Variants in ZNF264 observed in about 807,000 individuals in gnomAD.
ZNF264 encodes the protein zinc finger protein 264.
A neutral mutation model predicts 11.2 loss-of-function variants in ZNF264; 11 were observed. The ratio of observed to expected loss-of-function variants is 0.98; its 90% CI spans 0.62 to 1.63. The LOEUF is 1.63. Among genes scored for constraint, ZNF264 ranks in the 40% most tolerant of loss-of-function variants. The pLI is 0.00. For missense variants in ZNF264, 752 were observed against 768.1 expected (o/e 0.98, Z 0.25); for synonymous variants, 309 against 279.8 (o/e 1.10, Z -1.04).
At chr19:57,210,430 C>CA (rs753105089) in intron 3 of ZNF264, among the ~76,000 whole-genome samples, 6 of 152,170 alleles carry the variant, frequency 3.9e-5, no homozygotes, top group South Asian at 2.1e-4. Flanking sequence ...TAGTTACAGT[C>CA]ATGTTTATTA....
rs150510005 is a variant in ZNF264, at chr19:57,211,475, C to T, written c.378C>T (p.Ala126=). 1.1e-4 allele frequency: 171 copies of T among 1,613,882 alleles called. No individual in the cohort carries two copies. Among genetic ancestry groups the T allele is most frequent in the Middle Eastern group, 1.6e-4 (1 of 6,084 alleles). The change falls in exon 4 of 4, where the codon GCC becomes GCT. Residue 126 remains alanine (A), a synonymous_variant. Transcript: ENST00000263095. ...CAGTGGACTCACAGTTGGGGCAAGCCGAGGATCAGGATGGGCTATCAGAAA... is the reference window on the plus strand; with the variant it reads ...CAGTGGACTCACAGTTGGGGCAAGCTGAGGATCAGGATGGGCTATCAGAAA... The part of the protein sequence containing the change: ...GNSVDSQLGQ[A]EDQDGLSEMQ...
chr19:57,209,490 T>G (rs1382785427), intron 3 of ZNF264, among the ~76,000 whole-genome samples: 2 of 152,210 alleles, frequency 1.3e-5, no homozygotes. Context: ...TCAGTTCGTA[T>G]TATTAAATTC....
chr19:57,202,460 T>C (rs1171974983), intron 2 of ZNF264, among the ~76,000 whole-genome samples: 4 of 151,850 alleles, frequency 2.6e-5, no homozygotes, highest in Non-Finnish European at 5.9e-5. Context: ...AGCCCTTTTG[T>C]TAAAATGCTG....
At chr19:57,203,041 A>G (rs2087265006) in intron 2 of ZNF264, among the ~76,000 whole-genome samples, 1 of 152,124 alleles carries the variant, frequency 6.6e-6, no homozygotes, top group African/African-American at 2.4e-5. Flanking sequence ...TTGGTCATAG[A>G]AGTCTTGTTC....
At chr19:57,192,521 G>T (rs551068754) in intron 1 of ZNF264, 14 of 985,304 alleles carry the variant, frequency 1.4e-5, no homozygotes, top group Middle Eastern at 5.2e-4. Flanking sequence ...GTATCCTGGC[G>T]TCAGAGACAA....
intron 3 of ZNF264, among the ~76,000 whole-genome samples, chr19:57,207,545 C>CTTTTTTTTTT (rs757880568): frequency 4.8e-5 from 5 of 103,120 alleles, no homozygotes; most frequent in Non-Finnish European, 6.2e-5. Flanking sequence ...TTTTTCTTTT[C>CTTTTTTTTTT]TTTTTTTTTT....
chr19:57,211,584 A>C lies in ZNF264; in HGVS notation c.487A>C (p.Thr163Pro), dbSNP rs775684244. The change falls in exon 4 of 4, where the codon ACA becomes CCA. Residue 163 changes from threonine to proline, a missense_variant. Thr to Pro is a conservative substitution (Grantham distance 38). Coordinates refer to ENST00000263095, the MANE Select transcript of ZNF264 (RefSeq NM_003417.5). ...GAGCCCTGAATGTGATGGTTTAGGG[A>C]CAGCTGATGGTGTGTGTTCAAGGAT... Reference protein sequence around the residue: ...KMSPECDGLGTADGVCSRIGQ... With the variant: ...KMSPECDGLGPADGVCSRIGQ... 6.2e-7 allele frequency: 1 copy of C among 1,614,038 alleles called. No individual in the cohort carries two copies. The highest frequency in any genetic ancestry group is 8.5e-7 in the Non-Finnish European group (1 of 1,179,962).
intron 3 of ZNF264, among the ~76,000 whole-genome samples, chr19:57,206,459 C>T (rs1193158130): frequency 6.6e-6 from 1 of 151,792 alleles, no homozygotes; most frequent in Non-Finnish European, 1.5e-5. Flanking sequence ...ACCGTGGTCT[C>T]GATCTCCTGA....
In ZNF264 at chr19:57,222,630, G is replaced by C. The variant is rs941555833; in HGVS notation, c.*9649G>C. On this transcript the variant is annotated 3_prime_UTR_variant, in exon 4 of 4. Transcript: ENST00000263095. ...ATATATATATGGCTATAAGTGGTGC[G>C]ACTTGCAGGTACTCCCTTTGTTCAC... is the stretch of plus-strand genomic sequence containing the variant. 6.6e-6 allele frequency: 1 copy of C among 151,850 alleles called. No individual in the cohort carries two copies. Among genetic ancestry groups the C allele is most frequent in the Non-Finnish European group, 1.5e-5 (1 of 68,008 alleles). The allele number at this position is 151,850 out of a possible 1,614,324, so 9.4% of individuals were successfully genotyped here.
At chr19:57,206,783 C>G (rs1380373701) in intron 3 of ZNF264, among the ~76,000 whole-genome samples, 2 of 149,958 alleles carry the variant, frequency 1.3e-5, no homozygotes, top group East Asian at 2.0e-4. Context: ...CACCCATTCC[C>G]TGAGTGTCAA....
In ZNF264 at chr19:57,217,427, C is replaced by T. The variant is rs573285415; in HGVS notation, c.*4446C>T. 95 of 151,726 alleles carry T rather than the reference C, an allele frequency of 6.3e-4. No individual in the cohort carries two copies. The highest frequency in any genetic ancestry group is 2.2e-3 in the African/African-American group (91 of 41,398). 9.4% of individuals were successfully genotyped at this position (151,726 alleles called of 1,614,324 possible). On this transcript the variant is annotated 3_prime_UTR_variant, in exon 4 of 4. Transcript: ENST00000263095. ...GTTGCAAGATGTAATTTTTCTTTTC[C>T]TTTTTTTTGAGACCAAGTCTCACTC... is the stretch of plus-strand genomic sequence containing the variant.
At chr19:57,208,408 G>A (rs1282552972) in intron 3 of ZNF264, among the ~76,000 whole-genome samples, 2 of 151,828 alleles carry the variant, frequency 1.3e-5, no homozygotes, top group African/African-American at 2.4e-5. Flanking sequence ...GCTGGGCATG[G>A]TGGCTCATGC....
chr19:57,206,398 C>G (rs1346077560), intron 3 of ZNF264, among the ~76,000 whole-genome samples: 2 of 151,484 alleles, frequency 1.3e-5, no homozygotes, highest in Non-Finnish European at 2.9e-5. Flanking sequence ...CGCCCGCCAC[C>G]ACGCCCAGCT....
Position 57,212,054 on chromosome 19 carries a change from A to G in ZNF264, c.957A>G (p.Glu319=), listed in dbSNP as rs780007054. Reference sequence around the variant, plus strand: ...GAGAAAAATCCTTTGTGTGCACAGAATGTGGCCAAGTCTTTCGACATAGGC... The same window carrying G: ...GAGAAAAATCCTTTGTGTGCACAGAGTGTGGCCAAGTCTTTCGACATAGGC... The part of the protein sequence containing the change: ...HTGEKSFVCT[E]CGQVFRHRPG... Residue 319 remains glutamate (E), a synonymous_variant, in exon 4 of 4, where the codon GAA becomes GAG. Coordinates refer to ENST00000263095, the MANE Select transcript of ZNF264 (RefSeq NM_003417.5). 1.2e-6 allele frequency: 2 copies of G among 1,613,710 alleles called. No homozygotes were observed. The highest frequency in any genetic ancestry group is 1.7e-4 in the Middle Eastern group (1 of 6,054).
rs560670213 is a variant in ZNF264, at chr19:57,202,359, G to A, written c.161-3038G>A. On this transcript the variant is annotated intron_variant, in intron 2 of 3. Coordinates refer to ENST00000263095, the MANE Select transcript of ZNF264 (RefSeq NM_003417.5). ...TGCTGGGCCTCATGGGGATACAGCT[G>A]GAAGCACAGGGGAGGAGAAAGCCTT... Among the ~76,000 whole-genome samples the A allele has an allele frequency of 2.1e-4, 32 of 152,034 alleles. No homozygotes were observed. The South Asian group carries it at 5.2e-3, about 25-fold the overall frequency.
chr19:57,209,272 T>C (rs2087316550), intron 3 of ZNF264, among the ~76,000 whole-genome samples: 1 of 152,114 alleles, frequency 6.6e-6, no homozygotes, highest in Non-Finnish European at 1.5e-5. Context: ...ATTCTAAAAG[T>C]TTTAAAACTT....
At chr19:57,207,776 G>A (rs947722817) in intron 3 of ZNF264, among the ~76,000 whole-genome samples, 1 of 151,476 alleles carries the variant, frequency 6.6e-6, no homozygotes, top group Non-Finnish European at 1.5e-5. Flanking sequence ...GCCCAGGCGG[G>A]AGTACAATGG....
intron 2 of ZNF264, among the ~76,000 whole-genome samples, chr19:57,203,914 C>T (rs942746744): frequency 4.6e-5 from 7 of 151,922 alleles, no homozygotes; most frequent in East Asian, 1.9e-4. Flanking sequence ...TGGCCAGGCG[C>T]GGTTGCTTAC....
At chr19:57,194,317 C>T (rs769439655) in intron 2 of ZNF264, 1 of 440,998 alleles carries the variant, frequency 2.3e-6, no homozygotes, top group African/African-American at 2.0e-5. Context: ...ACGATGGTGT[C>T]CTGGCTTCTC....
Sources: allele counts gnomAD v4.1 joint callset (sites outside exome capture counted in the v4.1 genomes callset), GRCh38; gene constraint gnomAD v4.1.1; transcripts MANE v1.5; gene names NCBI Gene and HGNC (gene_info 2026-07-23, HGNC 2026-07-21).